The following PPM1E variants were observed in gnomAD, a reference collection of about 807,000 sequenced individuals.
PPM1E encodes the protein protein phosphatase, Mg2+/Mn2+ dependent 1E.
PPM1E carries 20 observed loss-of-function variants against 65.9 expected under a neutral mutation model. The ratio of observed to expected loss-of-function variants is 0.30; its 90% CI spans 0.21 to 0.44. The LOEUF is 0.44. Ranked by LOEUF, PPM1E falls within the 20% of genes least tolerant of loss-of-function variation. The pLI, the probability that PPM1E is intolerant of heterozygous loss-of-function variation, is 1.00. For missense variants in PPM1E, 713 were observed against 953.1 expected, an observed-to-expected ratio of 0.75 and a Z score of 3.32; for synonymous variants, 352 against 374.9, an observed-to-expected ratio of 0.94 and a Z score of 0.70.
chr17:58,863,632 G>A (rs2050966867), intron 1 of PPM1E, among the ~76,000 whole-genome samples: 1 of 152,120 alleles, frequency 6.6e-6, no homozygotes, highest in Non-Finnish European at 1.5e-5. Context: ...CTGAAATCTT[G>A]TCCAATGCCC....
Position 58,984,240 on chromosome 17 carries a change from T to A in PPM1E, c.*3209T>A, listed in dbSNP as rs187565156. The A allele has an allele frequency of 6.5e-6, 1 of 152,700 alleles. No homozygotes were observed. The highest frequency in any genetic ancestry group is 1.5e-5 in the Non-Finnish European group (1 of 68,016). The allele number at this position is 152,700 out of a possible 1,614,324, so 9.5% of individuals were successfully genotyped here. A position where few individuals can be genotyped will look rare whatever the true frequency, so the allele number is the denominator to read the frequency against. ...AACACTGAGTCTAATTTTGACCACATTTATAGTGGTATAGTGTCAATACTG... is the reference window on the plus strand; with the variant it reads ...AACACTGAGTCTAATTTTGACCACAATTATAGTGGTATAGTGTCAATACTG... On this transcript the variant is annotated 3_prime_UTR_variant, in exon 7 of 7. Transcript: ENST00000308249.
chr17:58,948,450 G>A (rs1028932852), intron 1 of PPM1E, among the ~76,000 whole-genome samples: 1 of 151,822 alleles, frequency 6.6e-6, no homozygotes, highest in Admixed American at 6.6e-5. Context: ...TTTCTTATCT[G>A]GCAAGTAAGG....
intron 1 of PPM1E, among the ~76,000 whole-genome samples, chr17:58,949,591 A>G (rs1233088812): frequency 6.6e-6 from 1 of 151,900 alleles, no homozygotes; most frequent in Non-Finnish European, 1.5e-5. Context: ...ATTTTGTGTA[A>G]CCTTTGTTCC....
At chr17:58,831,418 G>C (rs1174903147) in intron 1 of PPM1E, among the ~76,000 whole-genome samples, 2 of 152,174 alleles carry the variant, frequency 1.3e-5, no homozygotes, top group Non-Finnish European at 2.9e-5. Flanking sequence ...CTTAATTTTA[G>C]TAAGGTGATT....
intron 1 of PPM1E, among the ~76,000 whole-genome samples, chr17:58,792,604 A>C (rs142333818): frequency 4.3e-4 from 65 of 151,852 alleles, no homozygotes; most frequent in African/African-American, 1.5e-3. Flanking sequence ...GGGCTCCTAA[A>C]GTGCTGAATG....
intron 1 of PPM1E, among the ~76,000 whole-genome samples, chr17:58,907,286 AT>A (rs1251667175): frequency 1.3e-5 from 2 of 151,932 alleles, no homozygotes; most frequent in Non-Finnish European, 2.9e-5. Context: ...ATCTCCACAT[AT>A]TTGGGGATTT....
At chr17:58,862,332 C>T (rs2050951124) in intron 1 of PPM1E, among the ~76,000 whole-genome samples, 4 of 152,092 alleles carry the variant, frequency 2.6e-5, no homozygotes, top group Admixed American at 2.6e-4. Flanking sequence ...GAGCAATATG[C>T]ATAATGGAAA....
intron 1 of PPM1E, among the ~76,000 whole-genome samples, chr17:58,758,080 A>C (rs2049786327): frequency 6.6e-6 from 1 of 152,196 alleles, no homozygotes; most frequent in South Asian, 2.1e-4. Context: ...GTTAATTCTT[A>C]CCTTTACAAA....
chr17:58,892,527 C>A (rs2143436727), intron 1 of PPM1E, among the ~76,000 whole-genome samples: 1 of 152,204 alleles, frequency 6.6e-6, no homozygotes, highest in Non-Finnish European at 1.5e-5. Flanking sequence ...AAGCCACGAT[C>A]ACACCACTGC....
intron 1 of PPM1E, among the ~76,000 whole-genome samples, chr17:58,854,293 G>A (rs1273176858): frequency 1.3e-5 from 2 of 152,118 alleles, no homozygotes; most frequent in Non-Finnish European, 2.9e-5. Context: ...TCTAATAGGT[G>A]TGTGTGTATG....
At chr17:58,814,653 C>T (rs536992902) in intron 1 of PPM1E, among the ~76,000 whole-genome samples, 2 of 152,202 alleles carry the variant, frequency 1.3e-5, no homozygotes, top group East Asian at 1.9e-4. Context: ...TCACACAGAC[C>T]AGGGGTTGAC....
At chr17:58,940,922 G>A (rs982492364) in intron 1 of PPM1E, among the ~76,000 whole-genome samples, 2 of 152,166 alleles carry the variant, frequency 1.3e-5, no homozygotes, top group Admixed American at 6.5e-5. Context: ...CATTGGCCAG[G>A]CTGGTCTCAA....
chr17:58,831,170 C>T (rs1003906846), intron 1 of PPM1E, among the ~76,000 whole-genome samples: 3 of 152,082 alleles, frequency 2.0e-5, no homozygotes, highest in African/African-American at 7.2e-5. Context: ...GCCACCACAC[C>T]CAGCTAATTT....
chr17:58,881,060 T>A (rs535635708), intron 1 of PPM1E, among the ~76,000 whole-genome samples: 1 of 152,324 alleles, frequency 6.6e-6, no homozygotes, highest in East Asian at 1.9e-4. Flanking sequence ...TTTTGTTTAG[T>A]CTTGCTTTGT....
intron 2 of PPM1E, among the ~76,000 whole-genome samples, chr17:58,958,214 T>TC (rs911427068): frequency 6.7e-6 from 1 of 149,094 alleles, no homozygotes; most frequent in African/African-American, 2.4e-5. Context: ...TTTTATTTAT[T>TC]TTTTTTTTTA....
intron 1 of PPM1E, among the ~76,000 whole-genome samples, chr17:58,843,384 G>T (rs576870570): frequency 6.6e-6 from 1 of 151,888 alleles, no homozygotes; most frequent in East Asian, 1.9e-4. Context: ...TGGGCGTGGT[G>T]GTGCACATCT....
chr17:58,756,056 G>C lies in PPM1E; in HGVS notation c.59G>C (p.Gly20Ala), dbSNP rs2049755963. The C allele has an allele frequency of 3.1e-6, 5 of 1,613,992 alleles. No individual in the cohort carries two copies. The highest frequency in any genetic ancestry group is 4.2e-6 in the Non-Finnish European group (5 of 1,179,926). The change falls in exon 1 of 7, where the codon GGC (glycine) becomes GCC (alanine). Residue 20 changes from glycine (G) to alanine (A), a missense_variant. Coordinates refer to ENST00000308249, the MANE Select transcript of PPM1E (RefSeq NM_014906.5). ...CGGCGCTTCCTGGAGCTATTCCTGG[G>C]CGAGTTTCGCGGACCGTGCGGCGGC... ...TYRRFLELFL[G>A]EFRGPCGGGE...
At chr17:58,784,000 C>T (rs1041245685) in intron 1 of PPM1E, among the ~76,000 whole-genome samples, 6 of 151,108 alleles carry the variant, frequency 4.0e-5, no homozygotes, top group Admixed American at 6.6e-5. Context: ...TGTGAGCCAC[C>T]GTGCCCGGCC....
chr17:58,806,775 C>T (rs1447143862), intron 1 of PPM1E, among the ~76,000 whole-genome samples: 1 of 149,904 alleles, frequency 6.7e-6, no homozygotes, highest in Admixed American at 6.7e-5. Context: ...TCTCGGCTCA[C>T]TGCAACCTCC....
Sources: allele counts gnomAD v4.1 joint callset (sites outside exome capture counted in the v4.1 genomes callset), GRCh38; gene constraint gnomAD v4.1.1; transcripts MANE v1.5; gene names NCBI Gene and HGNC (gene_info 2026-07-23, HGNC 2026-07-21).